The following INPP5D variants were observed in gnomAD, a reference collection of about 807,000 sequenced individuals.
The protein encoded by INPP5D is phosphatidylinositol 3,4,5-trisphosphate 5-phosphatase 1.
In INPP5D, 33 loss-of-function variants were observed where a neutral mutation model predicts 122.9. That is an observed-to-expected ratio of 0.27 (90% CI 0.20 to 0.36). The LOEUF (loss-of-function observed/expected upper bound fraction) is 0.36, where lower values mean the gene tolerates loss of function less well. INPP5D is among the 10% of genes least tolerant of loss of function. The probability of loss-of-function intolerance (pLI) is 1.00; values close to 1 mark genes in which losing one functional copy is unlikely to be tolerated. For missense variants in INPP5D, 1,053 were observed against 1,412.7 expected, an observed-to-expected ratio of 0.75 and a Z score of 4.08; for synonymous variants, 584 against 576.2, an observed-to-expected ratio of 1.01 and a Z score of -0.19.
chr2:233,182,495 G>T lies in INPP5D; in HGVS notation c.2157G>T (p.Lys719Asn). Residue 719 changes from lysine to asparagine, a missense_variant, in exon 19 of 27, where the codon AAG (lysine) becomes AAT (asparagine). Transcript: ENST00000445964. Reference sequence around the variant, plus strand: ...GAGTCACTTCCCAGTTTGTCTCCAAGAACGGTAAGCAAAGGATGGTGTCTG... The same window carrying T: ...GAGTCACTTCCCAGTTTGTCTCCAATAACGGTAAGCAAAGGATGGTGTCTG... ...EAGVTSQFVS[K>N]NGPGTVDSQG... 1 of 1,613,426 alleles carries T rather than the reference G, an allele frequency of 6.2e-7. No homozygotes were observed. The highest frequency in any genetic ancestry group is 1.1e-5 in the South Asian group (1 of 91,048).
intron 2 of INPP5D, among the ~76,000 whole-genome samples, chr2:233,094,033 G>T (rs1364746599): frequency 6.6e-6 from 1 of 152,094 alleles, no homozygotes; most frequent in Non-Finnish European, 1.5e-5. Flanking sequence ...CTCTACAGCT[G>T]TGCTGGCCAG....
At chr2:233,077,913 A>G (rs998104513) in intron 1 of INPP5D, among the ~76,000 whole-genome samples, 2 of 152,072 alleles carry the variant, frequency 1.3e-5, no homozygotes, top group Non-Finnish European at 2.9e-5. Context: ...ACATATGTAA[A>G]TGCTCAGTGG....
chr2:233,123,303 A>G (rs1693046815), intron 3 of INPP5D, among the ~76,000 whole-genome samples: 1 of 152,058 alleles, frequency 6.6e-6, no homozygotes, highest in Non-Finnish European at 1.5e-5. Flanking sequence ...AAAATACAAA[A>G]ATTAGCCAGG....
rs761091619 is a variant in INPP5D, at chr2:233,060,523, G to A, written c.45G>A (p.Ala15=). 20 of 1,613,570 alleles carry A rather than the reference G, an allele frequency of 1.2e-5. No homozygotes were observed. Among genetic ancestry groups the A allele is most frequent in the South Asian group, 3.3e-5 (3 of 91,056 alleles). Residue 15 remains alanine, a synonymous_variant, in exon 1 of 27, where the codon GCG becomes GCA. Coordinates refer to ENST00000445964, the MANE Select transcript of INPP5D (RefSeq NM_001017915.3). ...WNHGNITRSK[A]EELLSRTGKD... is the part of the protein sequence containing the mutation. ...ATGGCAACATCACCCGCTCCAAGGC[G>A]GAGGAGCTGCTTTCCAGGACAGGCA...
chr2:233,200,149 A>G (rs1228281903), intron 25 of INPP5D, among the ~76,000 whole-genome samples: 1 of 152,234 alleles, frequency 6.6e-6, no homozygotes, highest in East Asian at 1.9e-4. Flanking sequence ...GAACTGGTTC[A>G]GGCAGAAGAA....
At chr2:233,185,033 G>A (rs1694877557) in intron 20 of INPP5D, among the ~76,000 whole-genome samples, 1 of 152,136 alleles carries the variant, frequency 6.6e-6, no homozygotes, top group Non-Finnish European at 1.5e-5. Flanking sequence ...GCAGCCTTTA[G>A]CACAAACTGT....
intron 18 of INPP5D, among the ~76,000 whole-genome samples, chr2:233,178,253 C>A (rs1329818197): frequency 6.6e-6 from 1 of 152,050 alleles, no homozygotes; most frequent in Non-Finnish European, 1.5e-5. Flanking sequence ...GCAACGTAGA[C>A]TCCATCTCTG....
Position 233,064,741 on chromosome 2 carries a change from AGAGG to A in INPP5D, c.134+4132_134+4135del, listed in dbSNP as rs112191656. ...CTGTGTGGGGCGGGGCAGAGCCTGG[AGAGG>A]GAACTTCTCGTGATGGAGCCGCAGA... On this transcript the variant is annotated intron_variant, in intron 1 of 26. Transcript: ENST00000445964. Among the ~76,000 whole-genome samples, 618 of 152,298 alleles carry A rather than the reference AGAGG, an allele frequency of 4.1e-3. 4 individuals are homozygous for A. The highest frequency in any genetic ancestry group is 0.014 in the African/African-American group (565 of 41,550).
At position 233,082,063 on chromosome 2, in the gene INPP5D, G is replaced by A. The variant is rs1218747677; in HGVS notation, c.198+2665G>A. Among the ~76,000 whole-genome samples, 9 of 152,294 alleles carry A rather than the reference G, an allele frequency of 5.9e-5. No homozygotes were observed. The highest frequency in any genetic ancestry group is 2.1e-4 in the South Asian group (1 of 4,822). ...CGGGCAGCTTTCAGAGAAGATGGGC[G>A]GCTCTGCTGGACTTCTCTGCTCCTG... On this transcript the variant is annotated intron_variant, in intron 2 of 26. Transcript: ENST00000445964. This position sits in a 1 kb window ranked among gnomAD's most constrained non-coding sequence, Gnocchi z 4.7.
At chr2:233,102,871 A>AAAAAAC (rs1355505867) in intron 2 of INPP5D, among the ~76,000 whole-genome samples, 18 of 148,628 alleles carry the variant, frequency 1.2e-4, no homozygotes, top group Middle Eastern at 3.8e-3. Context: ...AAAACAACCA[A>AAAAAAC]AAAACCACAG....
intron 2 of INPP5D, among the ~76,000 whole-genome samples, chr2:233,099,894 A>G (rs1410533657): frequency 6.6e-6 from 1 of 152,132 alleles, no homozygotes; most frequent in Non-Finnish European, 1.5e-5. Flanking sequence ...GTGGCTGGGG[A>G]GGCCTTACAA....
intron 25 of INPP5D, among the ~76,000 whole-genome samples, chr2:233,202,898 C>A (rs1695376051): frequency 6.6e-6 from 1 of 152,218 alleles, no homozygotes; most frequent in African/African-American, 2.4e-5. Flanking sequence ...GTGGGCCTTT[C>A]TTCTAGCTAC....
chr2:233,079,245 T>C, intron 1 of INPP5D, 90 bp from the exon 2 acceptor site: 1 of 825,698 alleles, frequency 1.2e-6, no homozygotes, highest in Non-Finnish European at 2.1e-6. Context: ...TCCAGATTCC[T>C]CAAGCTGTGT....
At chr2:233,173,979 A>G (rs1197513285) in intron 17 of INPP5D, among the ~76,000 whole-genome samples, 4 of 152,130 alleles carry the variant, frequency 2.6e-5, no homozygotes, top group African/African-American at 4.8e-5. Flanking sequence ...CTAGGCTGAA[A>G]CAGGCTCAGG....
chr2:233,138,809 G>A (rs1466583020), intron 5 of INPP5D, among the ~76,000 whole-genome samples: 6 of 151,866 alleles, frequency 4.0e-5, no homozygotes, highest in African/African-American at 1.5e-4. Flanking sequence ...GCAGTGGTGC[G>A]ATCTCGGCTC....
chr2:233,083,746 G>T (rs896601761), intron 2 of INPP5D, among the ~76,000 whole-genome samples: 4 of 152,186 alleles, frequency 2.6e-5, no homozygotes, highest in East Asian at 1.9e-4. Flanking sequence ...CGCCCTCATG[G>T]GCCAGCTCCA....
At chr2:233,071,266 G>A (rs916668132) in intron 1 of INPP5D, among the ~76,000 whole-genome samples, 1 of 151,968 alleles carries the variant, frequency 6.6e-6, no homozygotes, top group African/African-American at 2.4e-5. Context: ...ACTCCAGCTT[G>A]GGCCACAGAG....
chr2:233,081,478 G>A (rs1691687079), intron 2 of INPP5D, among the ~76,000 whole-genome samples: 1 of 152,190 alleles, frequency 6.6e-6, no homozygotes, highest in Non-Finnish European at 1.5e-5. Context: ...ATGACTCTGT[G>A]GCTTCTAGTA....
intron 3 of INPP5D, among the ~76,000 whole-genome samples, chr2:233,124,871 G>T (rs752307936): frequency 1.3e-5 from 2 of 152,240 alleles, no homozygotes; most frequent in Non-Finnish European, 2.9e-5. Flanking sequence ...CATGAGGCCC[G>T]CGCAGTCCAA....
Sources: gnomAD v4.1 joint callset for allele counts (sites outside exome capture counted in the v4.1 genomes callset) on GRCh38, gnomAD v4.1.1 for gene constraint, Gnocchi (gnomAD v3.1) non-coding constraint, MANE v1.5 for transcripts, NCBI Gene and HGNC (gene_info 2026-07-23, HGNC 2026-07-21) for gene names.